MAGI2: variants seen among roughly 807,000 people sequenced by gnomAD.
The protein encoded by MAGI2 is membrane-associated guanylate kinase, WW and PDZ domain-containing protein 2.
Under a neutral mutation model 133.3 loss-of-function variants are expected in MAGI2, and 35 were observed. The ratio of observed to expected loss-of-function variants is 0.26; its 90% confidence interval spans 0.20 to 0.35. MAGI2 has a LOEUF of 0.35. Among genes scored for constraint, MAGI2 ranks in the 10% least tolerant of loss-of-function variants. The pLI, the probability that MAGI2 is intolerant of heterozygous loss-of-function variation, is 1.00. For synonymous variants in MAGI2, 729 were observed against 710.6 expected, an observed-to-expected ratio of 1.03 and a Z score of -0.41; for missense variants, 1,636 against 1,863.4, an observed-to-expected ratio of 0.88 and a Z score of 2.25.
chr7:79,392,758 C>A (rs1323716109), intron 1 of MAGI2, among the ~76,000 whole-genome samples: 1 of 152,068 alleles, frequency 6.6e-6, no homozygotes, highest in Non-Finnish European at 1.5e-5. Flanking sequence ...TTAAAACCAA[C>A]CTTATGAGGG....
At chr7:79,093,685 T>A (rs1183218487) in intron 1 of MAGI2, among the ~76,000 whole-genome samples, 1 of 150,556 alleles carries the variant, frequency 6.6e-6, no homozygotes, top group Non-Finnish European at 1.5e-5. Flanking sequence ...TCTTTCTCTT[T>A]CTCTTTCTCT....
At chr7:79,352,532 G>A (rs1841759035) in intron 1 of MAGI2, among the ~76,000 whole-genome samples, 1 of 152,230 alleles carries the variant, frequency 6.6e-6, no homozygotes, top group Non-Finnish European at 1.5e-5. Context: ...CTGCTAAGCA[G>A]AAGCATGAGG....
At chr7:78,705,047 G>C (rs919376388) in intron 2 of MAGI2, among the ~76,000 whole-genome samples, 1 of 151,990 alleles carries the variant, frequency 6.6e-6, no homozygotes, top group African/African-American at 2.4e-5. Flanking sequence ...ACAGAAATTG[G>C]CAAACACTGT....
chr7:78,723,684 T>C (rs1476682066), intron 2 of MAGI2, among the ~76,000 whole-genome samples: 1 of 151,820 alleles, frequency 6.6e-6, no homozygotes. Context: ...AATTAGAGAG[T>C]AACAGAAGAG....
chr7:79,098,020 G>A (rs1005298747), intron 1 of MAGI2, among the ~76,000 whole-genome samples: 7 of 152,170 alleles, frequency 4.6e-5, no homozygotes, highest in Admixed American at 6.5e-5. Context: ...TACTTGGGAG[G>A]CTGAGGCATG....
rs1014203953 is a variant in MAGI2 at position 78,206,993 on chromosome 7, A to C, written c.2048-5800T>G. 8.5e-5 allele frequency among the ~76,000 whole-genome samples: 13 copies of C among 152,258 alleles called. No individual in the cohort carries two copies. In the East Asian group the frequency reaches 2.5e-3, roughly 29 times the overall value. On this transcript the variant is annotated intron_variant, in intron 10 of 21. Coordinates refer to ENST00000354212, the MANE Select transcript of MAGI2 (RefSeq NM_012301.4). The stretch of plus-strand genomic sequence containing the variant: ...TACACTTAACATTGTTGAGCTGTAC[A>C]CTGAGATGTAAGATAAGTTTTATGT...
At chr7:79,054,830 A>G (rs868356362) in intron 1 of MAGI2, among the ~76,000 whole-genome samples, 1 of 152,132 alleles carries the variant, frequency 6.6e-6, no homozygotes, top group Non-Finnish European at 1.5e-5. Context: ...CCGCTCTGTC[A>G]CCCAGGGTGG....
intron 1 of MAGI2, among the ~76,000 whole-genome samples, chr7:79,298,167 A>G (rs537831473): frequency 1.3e-4 from 20 of 152,242 alleles, no homozygotes; most frequent in Non-Finnish European, 2.5e-4. Context: ...TATTTGCCGT[A>G]TATAATTACC....
intron 2 of MAGI2, among the ~76,000 whole-genome samples, chr7:78,656,487 CAGAAACAGAGAGTA>C (rs1225691324): frequency 6.6e-6 from 1 of 151,898 alleles, no homozygotes; most frequent in Non-Finnish European, 1.5e-5. Context: ...GTCTAATACA[CAGAAACAGAGAGTA>C]GAACAGTGGT....
intron 1 of MAGI2, among the ~76,000 whole-genome samples, chr7:79,133,452 G>A (rs1338440699): frequency 1.3e-5 from 2 of 152,082 alleles, no homozygotes; most frequent in Non-Finnish European, 2.9e-5. Context: ...CCAAAGATCA[G>A]TTGACTATAT....
chr7:78,590,013 A>C (rs1300379052), intron 3 of MAGI2, among the ~76,000 whole-genome samples: 1 of 152,222 alleles, frequency 6.6e-6, no homozygotes, highest in African/African-American at 2.4e-5. Flanking sequence ...GTAAATTGAG[A>C]TCAGGAATAA....
In MAGI2 at chr7:78,079,053, T is replaced by C. The variant is rs773313512; in HGVS notation, c.3600A>G (p.Glu1200=). The C allele has an allele frequency of 6.2e-7, 1 of 1,613,704 alleles. No individual in the cohort carries two copies. Among genetic ancestry groups the C allele is most frequent in the Non-Finnish European group, 8.5e-7 (1 of 1,179,920 alleles). ...TGGCATGTGTCATGTCCCTTGTGCT[T>C]TCCCCATTGATTTCAATGATTTGAT... ...VGDQIIEING[E]STRDMTHARA... is the part of the protein sequence containing the mutation. The change falls in exon 21 of 22, where the codon GAA becomes GAG. Residue 1200 remains glutamate (E), a synonymous_variant. Coordinates refer to ENST00000354212, the MANE Select transcript of MAGI2 (RefSeq NM_012301.4).
At chr7:78,021,804 A>G (rs769547235) in intron 21 of MAGI2, among the ~76,000 whole-genome samples, 1 of 152,122 alleles carries the variant, frequency 6.6e-6, no homozygotes, top group Non-Finnish European at 1.5e-5. Context: ...CAACAACTAA[A>G]TCTCTCTGAG....
intron 2 of MAGI2, among the ~76,000 whole-genome samples, chr7:78,786,406 C>A (rs553433427): frequency 4.6e-5 from 7 of 152,164 alleles, no homozygotes; most frequent in Non-Finnish European, 8.8e-5. Context: ...CCTTTTTAAT[C>A]CCAAAGAGTT....
Position 78,828,131 on chromosome 7 carries a change from C to T in MAGI2, c.418+178959G>A, listed in dbSNP as rs137959232. The stretch of plus-strand genomic sequence containing the variant: ...AACTTCTGACCTCAAGTGATCCACC[C>T]GCCTTGGCCTCCCAAAGTGCTGGGA... On this transcript the variant is annotated intron_variant, in intron 2 of 21. Transcript: ENST00000354212. 3.0e-3 allele frequency among the ~76,000 whole-genome samples: 461 copies of T among 152,272 alleles called. 1 individual carries two copies. Among genetic ancestry groups the T allele is most frequent in the African/African-American group, 0.011 (450 of 41,560 alleles).
At chr7:78,108,964 A>G in intron 20 of MAGI2, among the ~76,000 whole-genome samples, 1 of 152,038 alleles carries the variant, frequency 6.6e-6, no homozygotes, top group Non-Finnish European at 1.5e-5. Flanking sequence ...ATAGAGTAGC[A>G]TACAAGGATG....
intron 1 of MAGI2, chr7:79,411,862 A>G (rs1039572058): frequency 6.6e-6 from 1 of 152,004 alleles, no homozygotes; most frequent in Non-Finnish European, 1.5e-5. Context: ...GAAAGGAAAA[A>G]TTGAATACTA....
At chr7:78,860,553 A>G (rs1006589788) in intron 2 of MAGI2, among the ~76,000 whole-genome samples, 1 of 152,178 alleles carries the variant, frequency 6.6e-6, no homozygotes, top group Non-Finnish European at 1.5e-5. Flanking sequence ...GAGGCTGCAG[A>G]AAAGCAAATA....
chr7:79,396,092 A>T (rs1845032577), intron 1 of MAGI2, among the ~76,000 whole-genome samples: 1 of 152,124 alleles, frequency 6.6e-6, no homozygotes, highest in Non-Finnish European at 1.5e-5. Context: ...TAGCCCAGCG[A>T]CTGTTGTAAT....
Sources: allele counts gnomAD v4.1 joint callset (sites outside exome capture counted in the v4.1 genomes callset), GRCh38; gene constraint gnomAD v4.1.1; transcripts MANE v1.5; gene names NCBI Gene and HGNC (gene_info 2026-07-23, HGNC 2026-07-21).